The following TJP1 variants were observed in gnomAD, a reference collection of about 807,000 sequenced individuals.
TJP1 encodes the protein tight junction protein ZO-1.
A neutral mutation model predicts 194.2 loss-of-function variants in TJP1; 43 were observed. The ratio of observed to expected loss-of-function variants is 0.22; its 90% CI spans 0.17 to 0.29. The LOEUF is 0.29. TJP1 is among the 10% of genes least tolerant of loss of function. The pLI is 1.00. For synonymous variants in TJP1, 801 were observed against 779.0 expected, an observed-to-expected ratio of 1.03 and a Z score of -0.47; for missense variants, 1,971 against 2,185.7, an observed-to-expected ratio of 0.90 and a Z score of 1.96.
intron 2 of TJP1, among the ~76,000 whole-genome samples, chr15:29,854,894 G>C (rs993540463): frequency 5.3e-5 from 8 of 151,582 alleles, no homozygotes; most frequent in East Asian, 1.9e-4. Context: ...CTATCATTGA[G>C]GAGGGGAAAA....
intron 24 of TJP1, among the ~76,000 whole-genome samples, chr15:29,710,139 G>A (rs542400345): frequency 4.6e-5 from 7 of 151,226 alleles, no homozygotes; most frequent in East Asian, 1.9e-4. Context: ...GCAAGGCTTC[G>A]TCTCAAAAAG....
chr15:29,720,693 T>C lies in TJP1; in HGVS notation c.2428A>G (p.Ser810Gly), dbSNP rs750304167. 4 of 1,598,852 alleles carry C rather than the reference T, an allele frequency of 2.5e-6. No individual in the cohort carries two copies. The highest frequency in any genetic ancestry group is 1.7e-5 in the Admixed American group (1 of 57,806). Residue 810 changes from serine to glycine, a missense_variant, in exon 19 of 28, where the codon AGT (serine) becomes GGT (glycine). This residue lies in a region of TJP1 where 402 missense variants were observed against 484.2 expected (regional missense o/e 0.83). Transcript: ENST00000614355. ...VSEGKADGAT[S>G]DDLDLHDDRL... ...TCATCATGCAAATCAAGGTCATCAC[T>C]TGTAGCACCATCCGCCTGGGTCAAA...
At chr15:29,781,867 C>T (rs1472509292) in intron 2 of TJP1, among the ~76,000 whole-genome samples, 1 of 152,202 alleles carries the variant, frequency 6.6e-6, no homozygotes, top group Non-Finnish European at 1.5e-5. Flanking sequence ...CAACATCATA[C>T]TGAATGGGCA....
At chr15:29,847,693 G>A (rs2051469936) in intron 2 of TJP1, among the ~76,000 whole-genome samples, 2 of 152,286 alleles carry the variant, frequency 1.3e-5, no homozygotes, top group Non-Finnish European at 2.9e-5. Context: ...GCTGAGGTAG[G>A]AGAATGGTGT....
chr15:29,737,421 A>G lies in TJP1; in HGVS notation c.1257-7T>C. 1 of 1,614,186 alleles carries G rather than the reference A, an allele frequency of 6.2e-7. No individual in the cohort carries two copies. Among genetic ancestry groups the G allele is most frequent in the Non-Finnish European group, 8.5e-7 (1 of 1,180,016 alleles). ...TACCAATTTCATGCTGGGCCTGTTA[A>G]AACAGATATTTCATTTGAAACAGTT... is the stretch of plus-strand genomic sequence containing the variant. On this transcript the variant is annotated splice_region_variant and splice_polypyrimidine_tract_variant and intron_variant, in intron 10 of 27. Coordinates refer to ENST00000614355, the MANE Select transcript of TJP1 (RefSeq NM_001330239.4).
intron 4 of TJP1, among the ~76,000 whole-genome samples, chr15:29,771,737 G>A (rs1193964574): frequency 1.3e-5 from 2 of 151,716 alleles, no homozygotes; most frequent in African/African-American, 4.8e-5. Context: ...CCTAGGAGGC[G>A]GAGTTTGCAG....
At chr15:29,883,902 G>A (rs2053024869) in intron 2 of TJP1, among the ~76,000 whole-genome samples, 1 of 152,122 alleles carries the variant, frequency 6.6e-6, no homozygotes, top group South Asian at 2.1e-4. Context: ...TTATGTATTT[G>A]GTGGTGAAAT....
chr15:29,720,334 A>C (rs747910660), intron 19 of TJP1, 24 bp downstream of exon 19: 3 of 1,522,918 alleles, frequency 2.0e-6, no homozygotes, highest in East Asian at 4.5e-5. Flanking sequence ...TCTATCTACA[A>C]AACGTTGAAT....
At chr15:29,748,986 G>A (rs1325175051) in intron 8 of TJP1, among the ~76,000 whole-genome samples, 1 of 151,304 alleles carries the variant, frequency 6.6e-6, no homozygotes, top group Admixed American at 6.6e-5. Context: ...TTGCTATTAT[G>A]AGGAAAGCTT....
intron 20 of TJP1, 93 bp from the exon 21 acceptor site, chr15:29,719,231 T>G (rs932994187): frequency 1.5e-6 from 2 of 1,333,248 alleles, no homozygotes. Flanking sequence ...TACGATTTAA[T>G]ATGTGAAAAT....
At chr15:29,952,465 G>A (rs1303407361) in intron 2 of TJP1, among the ~76,000 whole-genome samples, 1 of 152,044 alleles carries the variant, frequency 6.6e-6, no homozygotes, top group Non-Finnish European at 1.5e-5. Context: ...GAGTGAAATG[G>A]CATCATTCTG....
intron 8 of TJP1, among the ~76,000 whole-genome samples, chr15:29,743,432 TAAAAA>T (rs771341303): frequency 6.6e-6 from 1 of 152,084 alleles, no homozygotes. Context: ...ATTTGGTACT[TAAAAA>T]AAGAAAAGAC....
chr15:29,781,311 G>A (rs962203884), intron 2 of TJP1, among the ~76,000 whole-genome samples: 14 of 152,026 alleles, frequency 9.2e-5, no homozygotes, highest in Admixed American at 2.6e-4. Flanking sequence ...AACAAACGCC[G>A]AAAGTGAATC....
chr15:29,944,333 G>T (rs981363240), intron 2 of TJP1, among the ~76,000 whole-genome samples: 15 of 151,878 alleles, frequency 9.9e-5, no homozygotes, highest in African/African-American at 3.4e-4. Flanking sequence ...CTGACCTCGT[G>T]ATCCACCCGC....
intron 2 of TJP1, among the ~76,000 whole-genome samples, chr15:29,841,804 C>G (rs924951942): frequency 6.6e-6 from 1 of 151,310 alleles, no homozygotes; most frequent in African/African-American, 2.4e-5. Flanking sequence ...TATTTCTTGA[C>G]CATAACTTAC....
chr15:29,960,854 AC>A (rs1460813388), intron 1 of TJP1, among the ~76,000 whole-genome samples: 1 of 151,780 alleles, frequency 6.6e-6, no homozygotes, highest in African/African-American at 2.4e-5. Flanking sequence ...CTCAATAATG[AC>A]CCCCCTTTGT....
At chr15:29,719,233 T>C in intron 20 of TJP1, 95 bp from the exon 21 acceptor site, 1 of 1,333,480 alleles carries the variant, frequency 7.5e-7, no homozygotes, top group African/African-American at 1.5e-5. Context: ...CGATTTAATA[T>C]GTGAAAATGG....
chr15:29,870,842 G>C (rs533690928), intron 2 of TJP1, among the ~76,000 whole-genome samples: 37 of 152,302 alleles, frequency 2.4e-4, no homozygotes, highest in African/African-American at 8.7e-4. Flanking sequence ...TTTAAACAGA[G>C]GGCCAATGCA....
intron 1 of TJP1, among the ~76,000 whole-genome samples, chr15:29,820,916 G>A (rs2050287318): frequency 6.6e-6 from 1 of 152,208 alleles, no homozygotes; most frequent in South Asian, 2.1e-4. Flanking sequence ...AAGCTTCTGT[G>A]AGAGTTCAAA....
Sources: gnomAD v4.1 joint callset for allele counts (sites outside exome capture counted in the v4.1 genomes callset) on GRCh38, gnomAD v4.1.1 for gene constraint, gnomAD v4.1.1 regional missense constraint, MANE v1.5 for transcripts, NCBI Gene and HGNC (gene_info 2026-07-23, HGNC 2026-07-21) for gene names.